ZSCAN5A: variants seen among roughly 807,000 people sequenced by gnomAD.
ZSCAN5A encodes zinc finger and SCAN domain-containing protein 5A.
ZSCAN5A carries 12 observed loss-of-function variants against 23.7 expected under a neutral mutation model. The observed-to-expected ratio is 0.51, with a 90% CI of 0.32 to 0.82. ZSCAN5A has a LOEUF of 0.82. ZSCAN5A is among the 40% of genes least tolerant of loss of function. The pLI is 0.03. For synonymous variants in ZSCAN5A, 257 were observed against 239.9 expected, an observed-to-expected ratio of 1.07 and a Z score of -0.66; for missense variants, 597 against 617.9, an observed-to-expected ratio of 0.97 and a Z score of 0.36.
chr19:56,305,359 G>A (rs2040617164), intron 2 of ZSCAN5A, among the ~76,000 whole-genome samples: 1 of 152,130 alleles, frequency 6.6e-6, no homozygotes, highest in Non-Finnish European at 1.5e-5. Flanking sequence ...TTGCATCTGG[G>A]TTTATTCATT....
upstream of ZSCAN5A, chr19:56,315,502 CAT>C (rs1439633816): frequency 6.6e-6 from 1 of 152,236 alleles, no homozygotes; most frequent in Non-Finnish European, 1.5e-5. Flanking sequence ...TTCGAGTCTC[CAT>C]GGTAACGGCC....
At chr19:56,269,489 G>T (rs920197621) in intron 2 of ZSCAN5A, among the ~76,000 whole-genome samples, 3 of 152,116 alleles carry the variant, frequency 2.0e-5, no homozygotes, top group Non-Finnish European at 4.4e-5. Flanking sequence ...TCTCAGATGT[G>T]ATAAAAATAA....
At chr19:56,311,760 T>A (rs2147376990) in intron 2 of ZSCAN5A, among the ~76,000 whole-genome samples, 1 of 152,278 alleles carries the variant, frequency 6.6e-6, no homozygotes. Context: ...GCTGCCCCTA[T>A]CAATCCATCA....
intron 2 of ZSCAN5A, among the ~76,000 whole-genome samples, chr19:56,299,430 G>A (rs1328922396): frequency 6.6e-6 from 1 of 150,670 alleles, no homozygotes; most frequent in Non-Finnish European, 1.5e-5. Context: ...ACCATGCCCA[G>A]CCTTGTTCAT....
At chr19:56,226,503 T>G (rs2033952223) in intron 2 of ZSCAN5A, among the ~76,000 whole-genome samples, 1 of 151,944 alleles carries the variant, frequency 6.6e-6, no homozygotes, top group African/African-American at 2.4e-5. Context: ...GACATGCAAA[T>G]CCAAACCACA....
intron 2 of ZSCAN5A, among the ~76,000 whole-genome samples, chr19:56,241,289 C>T (rs2035406109): frequency 6.6e-6 from 1 of 152,106 alleles, no homozygotes; most frequent in Non-Finnish European, 1.5e-5. Flanking sequence ...GACAGGATCT[C>T]ACTATGTTGC....
At chr19:56,347,633 A>G (rs796307672) in intron 2 of ZSCAN5A, 50 of 152,370 alleles carry the variant, frequency 3.3e-4, no homozygotes, top group African/African-American at 1.2e-3. Flanking sequence ...AGACTCCTGT[A>G]GCCTTTATGG....
At chr19:56,244,324 C>A (rs2035683455) in intron 2 of ZSCAN5A, 6 of 1,607,376 alleles carry the variant, frequency 3.7e-6, no homozygotes, top group Non-Finnish European at 5.1e-6. Flanking sequence ...AGTTCATGAT[C>A]TCCATGCCCC....
chr19:56,319,838 GT>G, upstream of ZSCAN5A: 1 of 782,780 alleles, frequency 1.3e-6, no homozygotes, highest in Non-Finnish European at 2.4e-6. Context: ...CTCTTCTGCA[GT>G]TTTCATTAGT....
At chr19:56,265,631 G>A (rs1320092795) in intron 2 of ZSCAN5A, among the ~76,000 whole-genome samples, 1 of 152,000 alleles carries the variant, frequency 6.6e-6, no homozygotes, top group Non-Finnish European at 1.5e-5. Context: ...AACTGGCAAA[G>A]GGGTGGAGTT....
chr19:56,311,552 T>C (rs1014347903), intron 2 of ZSCAN5A, among the ~76,000 whole-genome samples: 12 of 152,172 alleles, frequency 7.9e-5, no homozygotes, highest in Admixed American at 7.9e-4. Context: ...GAAGCATCAG[T>C]TGGTATATTT....
intron 2 of ZSCAN5A, among the ~76,000 whole-genome samples, chr19:56,345,463 A>C (rs2147453692): frequency 6.6e-6 from 1 of 152,352 alleles, no homozygotes; most frequent in East Asian, 1.9e-4. Flanking sequence ...AACTCTAGGC[A>C]GTTGTCAGTG....
intron 2 of ZSCAN5A, among the ~76,000 whole-genome samples, chr19:56,300,615 G>A (rs911421464): frequency 6.6e-6 from 1 of 152,214 alleles, no homozygotes; most frequent in Non-Finnish European, 1.5e-5. Flanking sequence ...ACGTTGAAGA[G>A]AGAGAGACTT....
At chr19:56,240,374 TA>T (rs2035334347) in intron 2 of ZSCAN5A, among the ~76,000 whole-genome samples, 1 of 152,286 alleles carries the variant, frequency 6.6e-6, no homozygotes, top group East Asian at 1.9e-4. Flanking sequence ...TCGGATCACC[TA>T]AAATGGATTA....
At chr19:56,350,199 T>C (rs919797472) in intron 2 of ZSCAN5A, among the ~76,000 whole-genome samples, 3 of 152,234 alleles carry the variant, frequency 2.0e-5, no homozygotes, top group African/African-American at 4.8e-5. Flanking sequence ...CTAATAGTTA[T>C]GGATAAGAAG....
intron 2 of ZSCAN5A, among the ~76,000 whole-genome samples, chr19:56,241,124 C>T (rs1240616779): frequency 6.6e-6 from 1 of 152,262 alleles, no homozygotes; most frequent in Non-Finnish European, 1.5e-5. Flanking sequence ...AGTGTCCCTA[C>T]CTGGGGGTCC....
At chr19:56,329,370 A>G (rs1482766775) in intron 2 of ZSCAN5A, among the ~76,000 whole-genome samples, 3 of 152,006 alleles carry the variant, frequency 2.0e-5, no homozygotes, top group Non-Finnish European at 4.4e-5. Context: ...ACAAAAACAA[A>G]CAAACAAACA....
intron 2 of ZSCAN5A, chr19:56,295,057 T>C (rs1339045816): frequency 6.6e-6 from 1 of 152,252 alleles, no homozygotes; most frequent in Non-Finnish European, 1.5e-5. Flanking sequence ...GTACACGGTT[T>C]CTTTTTCAGG....
intron 2 of ZSCAN5A, among the ~76,000 whole-genome samples, chr19:56,240,849 G>A (rs774545657): frequency 7.9e-5 from 12 of 152,168 alleles, no homozygotes; most frequent in Non-Finnish European, 1.3e-4. Flanking sequence ...GGGACGACAG[G>A]CACCTACCTG....
Sources: gnomAD v4.1 joint callset for allele counts (sites outside exome capture counted in the v4.1 genomes callset) on GRCh38, gnomAD v4.1.1 for gene constraint, MANE v1.5 for transcripts, NCBI Gene and HGNC (gene_info 2026-07-23, HGNC 2026-07-21) for gene names.